ARHGAP17: variants seen among roughly 807,000 people sequenced by gnomAD.
The protein encoded by ARHGAP17 is Rho GTPase activating protein 17.
Under a neutral mutation model 99.5 loss-of-function variants are expected in ARHGAP17, and 57 were observed. The observed-to-expected ratio is 0.57, with a 90% CI of 0.46 to 0.71. The LOEUF is 0.71. Ranked by LOEUF, ARHGAP17 falls within the 30% of genes least tolerant of loss-of-function variation. ARHGAP17 has a pLI of 0.00. For missense variants in ARHGAP17, 1,000 were observed against 1,122.4 expected, an observed-to-expected ratio of 0.89 and a Z score of 1.56; for synonymous variants, 417 against 429.6, an observed-to-expected ratio of 0.97 and a Z score of 0.36.
intron 3 of ARHGAP17, among the ~76,000 whole-genome samples, chr16:24,975,120 T>A (rs1428933660): frequency 6.6e-6 from 1 of 152,048 alleles, no homozygotes; most frequent in Non-Finnish European, 1.5e-5. Flanking sequence ...GCCACTACAC[T>A]CCAGCACGGA....
intron 18 of ARHGAP17, among the ~76,000 whole-genome samples, chr16:24,932,487 G>A (rs567566342): frequency 6.6e-6 from 1 of 151,994 alleles, no homozygotes; most frequent in East Asian, 1.9e-4. Flanking sequence ...CAGCCAGGAG[G>A]GACCACCAAG....
intron 6 of ARHGAP17, among the ~76,000 whole-genome samples, chr16:24,966,155 A>G (rs1002372435): frequency 2.0e-5 from 3 of 152,252 alleles, no homozygotes; most frequent in Non-Finnish European, 4.4e-5. Context: ...TCTCTTGAGC[A>G]AAGATGTATC....
intron 3 of ARHGAP17, among the ~76,000 whole-genome samples, chr16:24,974,132 A>C (rs2052447972): frequency 6.6e-6 from 1 of 152,214 alleles, no homozygotes; most frequent in Non-Finnish European, 1.5e-5. Context: ...CAGGCACTAC[A>C]AAACATTTAG....
chr16:24,978,687 A>G (rs1054796498), intron 2 of ARHGAP17, among the ~76,000 whole-genome samples: 1 of 152,148 alleles, frequency 6.6e-6, no homozygotes, highest in Non-Finnish European at 1.5e-5. Flanking sequence ...CAGTTTAGAG[A>G]AGTGGAAACT....
chr16:24,958,058 C>CTG (rs1186715032), intron 9 of ARHGAP17, among the ~76,000 whole-genome samples: 1 of 152,122 alleles, frequency 6.6e-6, no homozygotes, highest in Admixed American at 6.5e-5. Context: ...AAAGGGTGAC[C>CTG]TCAGCAAGAA....
chr16:24,987,577 G>A (rs892438028), intron 1 of ARHGAP17, among the ~76,000 whole-genome samples: 7 of 152,060 alleles, frequency 4.6e-5, no homozygotes, highest in Non-Finnish European at 1.0e-4. Flanking sequence ...CCATTCTGGG[G>A]CCTTGAGAGC....
intron 12 of ARHGAP17, among the ~76,000 whole-genome samples, 180 bp downstream of exon 12, chr16:24,952,109 C>A (rs1274125982): frequency 2.6e-5 from 4 of 152,004 alleles, no homozygotes; most frequent in Non-Finnish European, 5.9e-5. Context: ...GACTTTCCTA[C>A]ACTAATAATT....
chr16:24,931,932 G>A (rs1007464493), intron 18 of ARHGAP17, among the ~76,000 whole-genome samples: 1 of 152,026 alleles, frequency 6.6e-6, no homozygotes, highest in Non-Finnish European at 1.5e-5. Flanking sequence ...CCTGAGCAAC[G>A]TGGCAAAACC....
intron 1 of ARHGAP17, among the ~76,000 whole-genome samples, chr16:24,989,463 G>T (rs1391010725): frequency 1.3e-5 from 2 of 152,200 alleles, no homozygotes; most frequent in East Asian, 3.9e-4. Context: ...GGTAACAGTG[G>T]TTCTTAACCA....
chr16:24,992,205 A>G (rs1277438945), intron 1 of ARHGAP17, among the ~76,000 whole-genome samples: 2 of 152,254 alleles, frequency 1.3e-5, no homozygotes, highest in Non-Finnish European at 2.9e-5. Flanking sequence ...GAGTTTCAGA[A>G]TGAAAAGTAG....
chr16:25,002,856 T>A (rs932343650), intron 1 of ARHGAP17, among the ~76,000 whole-genome samples: 1 of 151,840 alleles, frequency 6.6e-6, no homozygotes, highest in African/African-American at 2.4e-5. Flanking sequence ...CTGACCAATA[T>A]GGTAAAACTC....
At position 24,941,985 on chromosome 16, in the gene ARHGAP17, A is replaced by G; in HGVS notation, c.1490+2T>C. ...GTTTGGAAGTGAACGGTCAAATCAT[A>G]CCTTTCCTTCTTCACCAAGTCTCCT... is the stretch of plus-strand genomic sequence containing the variant. On this transcript the variant is annotated splice_donor_variant, in intron 16 of 19. Coordinates refer to ENST00000289968, the MANE Select transcript of ARHGAP17 (RefSeq NM_001006634.3). LOFTEE classifies it high-confidence loss of function. The G allele has an allele frequency of 6.2e-7, 1 of 1,613,888 alleles. No individual in the cohort carries two copies.
chr16:24,946,250 T>C (rs1370604810), intron 14 of ARHGAP17, among the ~76,000 whole-genome samples: 1 of 151,870 alleles, frequency 6.6e-6, no homozygotes, highest in African/African-American at 2.4e-5. Flanking sequence ...GACACCTCAG[T>C]ACAATGTGTG....
chr16:24,984,816 T>C (rs1232365323), intron 1 of ARHGAP17, among the ~76,000 whole-genome samples: 1 of 152,040 alleles, frequency 6.6e-6, no homozygotes, highest in Non-Finnish European at 1.5e-5. Context: ...AAATCCATAA[T>C]GACTAAAATT....
At chr16:25,010,339 G>T (rs1259784526) in intron 1 of ARHGAP17, among the ~76,000 whole-genome samples, 1 of 152,184 alleles carries the variant, frequency 6.6e-6, no homozygotes, top group African/African-American at 2.4e-5. Context: ...CTCTCAAAGT[G>T]TCAGGATTAC....
intron 7 of ARHGAP17, among the ~76,000 whole-genome samples, chr16:24,961,868 G>A (rs2052013144): frequency 7.0e-6 from 1 of 143,032 alleles, no homozygotes; most frequent in Non-Finnish European, 1.5e-5. Flanking sequence ...TAGGCAATTA[G>A]GTACGTATTT....
chr16:24,992,327 T>TTTTTTC (rs749556466), intron 1 of ARHGAP17, among the ~76,000 whole-genome samples: 1 of 152,090 alleles, frequency 6.6e-6, no homozygotes, highest in South Asian at 2.1e-4. Flanking sequence ...CACATAGCTA[T>TTTTTTC]TTTTTCTTTT....
chr16:24,999,863 T>C (rs2053310967), intron 1 of ARHGAP17, among the ~76,000 whole-genome samples: 1 of 152,242 alleles, frequency 6.6e-6, no homozygotes, highest in Non-Finnish European at 1.5e-5. Context: ...TATTTTGGCA[T>C]AGAGCAGTGA....
At chr16:24,949,959 T>C (rs2051585663) in intron 12 of ARHGAP17, among the ~76,000 whole-genome samples, 2 of 152,286 alleles carry the variant, frequency 1.3e-5, no homozygotes, top group South Asian at 2.1e-4. Context: ...AAGCAGCCCA[T>C]TTCTGTTGTG....
Sources: allele counts gnomAD v4.1 joint callset (sites outside exome capture counted in the v4.1 genomes callset), GRCh38; gene constraint gnomAD v4.1.1; transcripts MANE v1.5; gene names NCBI Gene and HGNC (gene_info 2026-07-23, HGNC 2026-07-21).